The following NME5 variants were observed in gnomAD, a reference collection of about 807,000 sequenced individuals.
NME5 encodes nucleoside diphosphate kinase 5.
In NME5, 18 loss-of-function variants were observed where a neutral mutation model predicts 21.6. The observed-to-expected ratio is 0.83, with a 90% CI of 0.58 to 1.24. The LOEUF is 1.24. Ranked by LOEUF, NME5 falls within the 50% of genes most tolerant of loss-of-function variation. The probability of loss-of-function intolerance (pLI) is 0.00; values close to 1 mark genes in which losing one functional copy is unlikely to be tolerated. For synonymous variants in NME5, 70 were observed against 80.6 expected, an observed-to-expected ratio of 0.87 and a Z score of 0.71; for missense variants, 223 against 255.4, an observed-to-expected ratio of 0.87 and a Z score of 0.86.
rs1448095877 is a variant in NME5 at position 138,119,658 on chromosome 5, TTTA to T, written c.437-725_437-723del. Among the ~76,000 whole-genome samples, 6 of 117,690 alleles carry T rather than the reference TTTA, an allele frequency of 5.1e-5. No homozygotes were observed. In the East Asian group the frequency reaches 5.1e-3, roughly 101 times the overall value. 77.2% of individuals were successfully genotyped at this position (117,690 alleles called of 152,430 possible). On this transcript the variant is annotated intron_variant, in intron 4 of 5. Coordinates refer to ENST00000265191, the MANE Select transcript of NME5 (RefSeq NM_003551.3). ...CCTGTTTTCTTTTTCTTTTCTTTTC[TTTA>T]TTTTTTTTTTTTTGAGACAGAGTTT...
Position 138,129,267 on chromosome 5 carries a change from C to T in NME5, c.331G>A (p.Asp111Asn), listed in dbSNP as rs1330085037. ...CCCCCAAACCCTGAAAATTACCTGT[C>T]TGGATGTGTCTCCTTCGCTACTAAG... The part of the protein sequence containing the change: ...NSLVAKETHP[D>N]SLRAIYGTDD... The change falls in exon 3 of 6, where the codon GAC becomes AAC. Residue 111 changes from aspartate to asparagine, a missense_variant. Transcript: ENST00000265191. 5 of 1,609,144 alleles carry T rather than the reference C, an allele frequency of 3.1e-6. No individual in the cohort carries two copies. The highest frequency in any genetic ancestry group is 1.7e-5 in the Admixed American group (1 of 59,970).
intron 2 of NME5, 120 bp from the exon 3 acceptor site, chr5:138,129,588 TA>T: frequency 1.5e-6 from 1 of 673,086 alleles, no homozygotes; most frequent in South Asian, 1.9e-5. Flanking sequence ...TTTATCTTTG[TA>T]TTATGAAGAA....
intron 2 of NME5, among the ~76,000 whole-genome samples, chr5:138,137,506 TG>T (rs1751725803): frequency 6.6e-6 from 1 of 151,498 alleles, no homozygotes; most frequent in South Asian, 2.1e-4. Context: ...TTCATAGAGA[TG>T]GGGTTTCACC....
chr5:138,116,347 A>T (rs1751155329), intron 5 of NME5: 1 of 152,214 alleles, frequency 6.6e-6, no homozygotes. Flanking sequence ...GCTCTTGCCA[A>T]ATGTCCAACA....
chr5:138,125,185 G>T lies in NME5; in HGVS notation c.436+3294C>A, dbSNP rs547674996. Reference sequence around the variant, plus strand: ...GATTCTCCCGCCTCAGCCTCACAAAGTGTTGGAATCACAGGTGTGAGCCAC... The same window carrying T: ...GATTCTCCCGCCTCAGCCTCACAAATTGTTGGAATCACAGGTGTGAGCCAC... On this transcript the variant is annotated intron_variant, in intron 4 of 5. Transcript: ENST00000265191. Among the ~76,000 whole-genome samples, 9 of 152,258 alleles carry T rather than the reference G, an allele frequency of 5.9e-5. No homozygotes were observed. In the South Asian group the frequency reaches 1.4e-3, roughly 25 times the overall value.
intron 4 of NME5, chr5:138,127,629 A>C: frequency 7.1e-6 from 7 of 984,630 alleles, no homozygotes; most frequent in Non-Finnish European, 8.4e-6. Context: ...TTCTGCTCTA[A>C]AAATATTAAA....
chr5:138,138,102 C>G (rs1276092459), intron 2 of NME5, among the ~76,000 whole-genome samples: 6 of 152,128 alleles, frequency 3.9e-5, no homozygotes, highest in Non-Finnish European at 7.4e-5. Flanking sequence ...CTTTCAAACC[C>G]CTAGAATGAC....
intron 3 of NME5, 116 bp downstream of exon 3, chr5:138,129,147 A>AAC: frequency 1.2e-6 from 1 of 863,230 alleles, no homozygotes; most frequent in Non-Finnish European, 1.8e-6. Context: ...AAAAAAGTTG[A>AAC]TTTTGGAAAA....
intron 4 of NME5, among the ~76,000 whole-genome samples, chr5:138,120,356 T>G (rs1192340016): frequency 1.3e-5 from 2 of 150,810 alleles, no homozygotes; most frequent in Non-Finnish European, 2.9e-5. Flanking sequence ...GCCTCAGCCT[T>G]CTGAGTAGCT....
intron 4 of NME5, among the ~76,000 whole-genome samples, chr5:138,122,671 AT>A (rs1751313758): frequency 3.6e-5 from 2 of 56,114 alleles, no homozygotes; most frequent in East Asian, 6.2e-4. Context: ...TTAAACAAAA[AT>A]TTTTTTAATT....
chr5:138,129,183 T>G, intron 3 of NME5, 80 bp downstream of exon 3: 1 of 1,234,390 alleles, frequency 8.1e-7, no homozygotes, highest in Non-Finnish European at 1.2e-6. Context: ...AAAATTCCCA[T>G]TACAATGAAA....
At chr5:138,127,547 T>C in intron 4 of NME5, 2 of 982,654 alleles carry the variant, frequency 2.0e-6, no homozygotes, top group Middle Eastern at 5.2e-4. Flanking sequence ...AAAAATAACA[T>C]ACTAAAAAAA....
rs561862821 is a variant in NME5, at chr5:138,138,326, T to C, written c.129+326A>G. On this transcript the variant is annotated intron_variant, in intron 2 of 5. Transcript: ENST00000265191. ...CTATCTGAGGGACTCTGTAAAGGGGTCAAGGGAAAGGGACTGTTCTGTTTT... is the reference window on the plus strand; with the variant it reads ...CTATCTGAGGGACTCTGTAAAGGGGCCAAGGGAAAGGGACTGTTCTGTTTT... 93 of 233,562 alleles carry C rather than the reference T, an allele frequency of 4.0e-4. No homozygotes were observed. The South Asian group carries it at 5.3e-3, about 13-fold the overall frequency. The allele number at this position is 233,562 out of a possible 1,614,324, so 14.5% of individuals were successfully genotyped here.
At chr5:138,116,199 C>A (rs1751153131) in intron 5 of NME5, 1 of 153,370 alleles carries the variant, frequency 6.5e-6, no homozygotes, top group South Asian at 2.0e-4. Context: ...AAGGCTTATA[C>A]ATTAAGAACT....
intron 5 of NME5, among the ~76,000 whole-genome samples, chr5:138,117,804 G>A (rs967167323): frequency 1.3e-5 from 2 of 152,044 alleles, no homozygotes; most frequent in African/African-American, 4.8e-5. Context: ...CCAACATGAA[G>A]AAACCCTGTC....
At position 138,123,985 on chromosome 5, in the gene NME5, C is replaced by CTTTTTTT. The variant is rs70979583; in HGVS notation, c.436+4487_436+4493dup. 5.1e-4 allele frequency among the ~76,000 whole-genome samples: 19 copies of CTTTTTTT among 37,248 alleles called. 7 individuals are homozygous for CTTTTTTT. Among genetic ancestry groups the CTTTTTTT allele is most frequent in the Non-Finnish European group, 6.0e-4 (14 of 23,478 alleles). 24.4% of individuals were successfully genotyped at this position (37,248 alleles called of 152,430 possible). ...CCCTGATGATTAGTGATTTTGAGCA[C>CTTTTTTT]TTTTTTTTTTTTTTTTTTTTTTTTT... On this transcript the variant is annotated intron_variant, in intron 4 of 5. Coordinates refer to ENST00000265191, the MANE Select transcript of NME5 (RefSeq NM_003551.3).
Position 138,139,356 on chromosome 5 carries a change from T to C in NME5, c.-6+15A>G, listed in dbSNP as rs1751819096. ...CACCTGCAAATTCTGAATTTGACCCTCTCTAAGTACTCACCTCAGCGGCCG... is the reference window on the plus strand; with the variant it reads ...CACCTGCAAATTCTGAATTTGACCCCCTCTAAGTACTCACCTCAGCGGCCG... On this transcript the variant is annotated intron_variant, in intron 1 of 5. Transcript: ENST00000265191. 1 of 985,852 alleles carries C rather than the reference T, an allele frequency of 1.0e-6. No homozygotes were observed. Among genetic ancestry groups the C allele is most frequent in the Admixed American group, 6.1e-5 (1 of 16,264 alleles). The allele number at this position is 985,852 out of a possible 1,614,324, so 61.1% of individuals were successfully genotyped here.
Position 138,129,412 on chromosome 5 carries a change from A to G in NME5, c.186T>C (p.Tyr62=), listed in dbSNP as rs981131656. Residue 62 remains tyrosine, a synonymous_variant, in exon 3 of 6, where the codon TAT becomes TAC. Transcript: ENST00000265191. ...TTAAGTTGGGGAAAAACATTTTTCC[A>G]TACTTTTCCACATAAAAGTTACTAC... ...EQCSNFYVEK[Y]GKMFFPNLTA... 4 of 1,614,026 alleles carry G rather than the reference A, an allele frequency of 2.5e-6. No homozygotes were observed. The Admixed American group carries it at 5.0e-5, about 20-fold the overall frequency.
chr5:138,125,296 T>A (rs753146247), intron 4 of NME5, among the ~76,000 whole-genome samples: 5 of 152,160 alleles, frequency 3.3e-5, no homozygotes, highest in Non-Finnish European at 7.3e-5. Context: ...TTATGGCAAA[T>A]AGTAGGCAAC....
Sources: gnomAD v4.1 joint callset for allele counts (sites outside exome capture counted in the v4.1 genomes callset) on GRCh38, gnomAD v4.1.1 for gene constraint, MANE v1.5 for transcripts, NCBI Gene and HGNC (gene_info 2026-07-23, HGNC 2026-07-21) for gene names.